ATP2A3: variants seen among roughly 807,000 people sequenced by gnomAD.
ATP2A3 encodes the protein ATPase sarcoplasmic/endoplasmic reticulum Ca2+ transporting 3.
ATP2A3 carries 61 observed loss-of-function variants against 106.8 expected under a neutral mutation model. That is an observed-to-expected ratio of 0.57 (90% CI 0.46 to 0.71). The LOEUF (loss-of-function observed/expected upper bound fraction) is 0.71. ATP2A3 is among the 30% of genes least tolerant of loss of function. The pLI is 0.00. For missense variants in ATP2A3, 1,201 were observed against 1,423.5 expected (o/e 0.84, Z 2.52); for synonymous variants, 611 against 609.3 (o/e 1.00, Z -0.04).
In ATP2A3 at chr17:3,926,058, C is replaced by T. The variant is rs2052690900; in HGVS notation, c.2981-617G>A. 6.6e-6 allele frequency among the ~76,000 whole-genome samples: 1 copy of T among 152,116 alleles called. No homozygotes were observed. The highest frequency in any genetic ancestry group is 6.5e-5 in the Admixed American group (1 of 15,270). On this transcript the variant is annotated intron_variant, in intron 20 of 20. Coordinates refer to ENST00000397041, the MANE Select transcript of ATP2A3 (RefSeq NM_005173.4). This position sits in a 1 kb window ranked among gnomAD's most constrained non-coding sequence, Gnocchi z 4.6. ...CACCACAGCCCAGCCCCCACGCCTCCCCTGACAACTGCTCAGCCACACCTG... is the reference window on the plus strand; with the variant it reads ...CACCACAGCCCAGCCCCCACGCCTCTCCTGACAACTGCTCAGCCACACCTG...
Position 3,952,302 on chromosome 17 carries a change from C to A in ATP2A3, c.220-617G>T, listed in dbSNP as rs557184667. ...GTTTTACCACGTTGCCCAGGCTGAACTCCTGAGCTCACCCGCCTCGGCCTG... is the reference window on the plus strand; with the variant it reads ...GTTTTACCACGTTGCCCAGGCTGAAATCCTGAGCTCACCCGCCTCGGCCTG... On this transcript the variant is annotated intron_variant, in intron 3 of 20. Coordinates refer to ENST00000397041, the MANE Select transcript of ATP2A3 (RefSeq NM_005173.4). 9.2e-5 allele frequency among the ~76,000 whole-genome samples: 14 copies of A among 152,144 alleles called. No individual in the cohort carries two copies. The East Asian group carries it at 2.5e-3, about 27-fold the overall frequency.
At chr17:3,959,446 C>G (rs1157684349) in intron 1 of ATP2A3, among the ~76,000 whole-genome samples, 1 of 152,174 alleles carries the variant, frequency 6.6e-6, no homozygotes, top group East Asian at 1.9e-4. Context: ...CTCAGTTGCT[C>G]CGTGGTGCAG....
intron 8 of ATP2A3, among the ~76,000 whole-genome samples, chr17:3,946,761 C>CT (rs1365168102): frequency 6.6e-6 from 1 of 152,110 alleles, no homozygotes; most frequent in Non-Finnish European, 1.5e-5. Context: ...GACAGAGAGG[C>CT]ACTGGGGACC....
chr17:3,951,196 AAAAT>A (rs1263402208), intron 5 of ATP2A3, 51 bp downstream of exon 5: 143 of 1,196,760 alleles, frequency 1.2e-4, no homozygotes, highest in African/African-American at 4.4e-4. Context: ...ATAAATAAAT[AAAAT>A]AAATAAATAA....
chr17:3,939,808 A>AAAAAT (rs1567693258), intron 14 of ATP2A3, among the ~76,000 whole-genome samples: 3 of 150,074 alleles, frequency 2.0e-5, no homozygotes, highest in African/African-American at 7.3e-5. Context: ...AAAAAAAAAA[A>AAAAAT]AAAAGCAATA....
chr17:3,964,171 C>T lies in ATP2A3; in HGVS notation c.118+3G>A. 1 of 1,170,244 alleles carries T rather than the reference C, an allele frequency of 8.5e-7. No individual in the cohort carries two copies. Among genetic ancestry groups the T allele is most frequent in the Non-Finnish European group, 1.1e-6 (1 of 946,344 alleles). The allele number at this position is 1,170,244 out of a possible 1,614,324, so 72.5% of individuals were successfully genotyped here. A position where few individuals can be genotyped will look rare whatever the true frequency, so the allele number is the denominator to read the frequency against. ...CCCGGCCCGGCCCGGCCCGCGCGCTCACCGTTGGGGCCGTAGCGCTCCCGC... is the reference window on the plus strand; with the variant it reads ...CCCGGCCCGGCCCGGCCCGCGCGCTTACCGTTGGGGCCGTAGCGCTCCCGC... On this transcript the variant is annotated splice_donor_region_variant and intron_variant, in intron 1 of 20. Coordinates refer to ENST00000397041, the MANE Select transcript of ATP2A3 (RefSeq NM_005173.4).
At chr17:3,950,832 C>A in intron 5 of ATP2A3, 59 bp from the exon 6 acceptor site, 1 of 1,542,966 alleles carries the variant, frequency 6.5e-7, no homozygotes, top group Non-Finnish European at 8.9e-7. Flanking sequence ...CTGGGAAAAG[C>A]CAGAAGGGTT....
chr17:3,951,546 G>GCCCCCCCCCCCCGGGCCCCCC, intron 4 of ATP2A3, 35 bp downstream of exon 4: 1 of 1,319,570 alleles, frequency 7.6e-7, no homozygotes, highest in Non-Finnish European at 1.0e-6. Flanking sequence ...CTGGGAGACC[G>GCCCCCCCCCCCCGGGCCCCCC]CCCCCCGCCC....
chr17:3,940,369 A>C lies in ATP2A3; in HGVS notation c.2100+602T>G, dbSNP rs1305425214. 7.2e-5 allele frequency among the ~76,000 whole-genome samples: 11 copies of C among 152,182 alleles called. No homozygotes were observed. The East Asian group carries it at 2.1e-3, about 29-fold the overall frequency. Reference sequence around the variant, plus strand: ...ATGCCGATGTCTGCAACTGACTTTGAAATACACCTAAGAAAAGATGGGCTA... The same window carrying C: ...ATGCCGATGTCTGCAACTGACTTTGCAATACACCTAAGAAAAGATGGGCTA... On this transcript the variant is annotated intron_variant, in intron 14 of 20. Transcript: ENST00000397041.
Position 3,928,309 on chromosome 17 carries a change from A to G in ATP2A3, c.2980+354T>C. The G allele has an allele frequency of 6.2e-7, 1 of 1,613,200 alleles. No individual in the cohort carries two copies. Among genetic ancestry groups the G allele is most frequent in the South Asian group, 1.1e-5 (1 of 91,076 alleles). On this transcript the variant is annotated intron_variant, in intron 20 of 20. Transcript: ENST00000397041. The surrounding 1 kb of genome is among the most constrained non-coding windows in gnomAD (Gnocchi z 6.1). ...CCAGGCCTGCGAGACTGTCCTGAGA[A>G]GGCCTGGATAAAGACAGGCTGGGTG...
At position 3,936,757 on chromosome 17, in the gene ATP2A3, C is replaced by T. The variant is rs1383010981; in HGVS notation, c.2322-288G>A. 2 of 475,762 alleles carry T rather than the reference C, an allele frequency of 4.2e-6. No individual in the cohort carries two copies. The highest frequency in any genetic ancestry group is 4.0e-5 in the African/African-American group (2 of 50,442). The allele number at this position is 475,762 out of a possible 1,614,324, so 29.5% of individuals were successfully genotyped here. A position where few individuals can be genotyped will look rare whatever the true frequency, so the allele number is the denominator to read the frequency against. ...ACACACACACACACACACACACACG[C>T]ACACGAAGAGGGCATGCCCAAGAAT... On this transcript the variant is annotated intron_variant, in intron 15 of 20. Coordinates refer to ENST00000397041, the MANE Select transcript of ATP2A3 (RefSeq NM_005173.4). The surrounding 1 kb of genome is among the most constrained non-coding windows in gnomAD (Gnocchi z 5.4).
chr17:3,924,666 C>T lies in ATP2A3; in HGVS notation c.*756G>A, dbSNP rs1597547815. ...TCTCCCGAGCTCAGGACGGGGAACC[C>T]TGAGTCCAGGAGGCGCGCGGGGCTG... On this transcript the variant is annotated 3_prime_UTR_variant, in exon 21 of 21. Transcript: ENST00000397041. This position sits in a 1 kb window ranked among gnomAD's most constrained non-coding sequence, Gnocchi z 6.4. The T allele has an allele frequency of 2.3e-6, 1 of 437,554 alleles. No homozygotes were observed. The highest frequency in any genetic ancestry group is 7.0e-5 in the East Asian group (1 of 14,256). 27.1% of individuals were successfully genotyped at this position (437,554 alleles called of 1,614,324 possible).
rs2053368993 is a variant in ATP2A3 at position 3,935,267 on chromosome 17, G to A, written c.2535C>T (p.Gly845=). The A allele has an allele frequency of 3.7e-6, 6 of 1,613,744 alleles. No homozygotes were observed. In the East Asian group the frequency reaches 1.3e-4, roughly 36 times the overall value. ...AGGTGGCGGCAGCCACTGTGGCCAG[G>A]CCTACGTACACTGCGGGGAAGGGAG... ...FRYLAIGVYV[G]LATVAAATWW... The change falls in exon 17 of 21, where the codon GGC becomes GGT. Residue 845 remains glycine (G), a synonymous_variant. Transcript: ENST00000397041.
intron 17 of ATP2A3, among the ~76,000 whole-genome samples, chr17:3,932,264 C>T (rs1240099086): frequency 2.6e-5 from 4 of 152,108 alleles, no homozygotes; most frequent in African/African-American, 9.7e-5. Context: ...CTGCCTCAGC[C>T]TCCTGAGTAG....
At chr17:3,951,556 C>T (rs752646313) in intron 4 of ATP2A3, 25 bp downstream of exon 4, 6 of 1,345,690 alleles carry the variant, frequency 4.5e-6, no homozygotes, top group South Asian at 2.5e-5. Flanking sequence ...GCCCCCCGCC[C>T]GGTCCCACCC....
intron 20 of ATP2A3, chr17:3,927,991 TC>T (rs1567674179): frequency 6.2e-7 from 1 of 1,613,968 alleles, no homozygotes; most frequent in East Asian, 2.2e-5. Context: ...CCCTGCTTCC[TC>T]CCTCTCTGAG....
chr17:3,944,794 A>C lies in ATP2A3; in HGVS notation c.1197T>G (p.Asp399Glu). Reference sequence around the variant, plus strand: ...CGAACTGGCCGCAGCGCACAGGCTGATCCCCCTGCCGCCTGCGGAGCCGGG... The same window carrying C: ...CGAACTGGCCGCAGCGCACAGGCTGCTCCCCCTGCCGCCTGCGGAGCCGGG... The part of the protein sequence containing the change: ...YTPEGEVRQG[D>E]QPVRCGQFDG... Residue 399 changes from aspartate to glutamate, a missense_variant, in exon 10 of 21, where the codon GAT (aspartate) becomes GAG (glutamate). Around this residue, in one of 2 missense-constraint regions of ATP2A3, gnomAD observed 935 missense variants for 1,176.7 expected, o/e 0.79. Transcript: ENST00000397041. 1 of 1,611,016 alleles carries C rather than the reference A, an allele frequency of 6.2e-7. No homozygotes were observed. Among genetic ancestry groups the C allele is most frequent in the Non-Finnish European group, 8.5e-7 (1 of 1,178,882 alleles).
intron 1 of ATP2A3, among the ~76,000 whole-genome samples, chr17:3,954,015 T>G (rs2054609359): frequency 6.6e-6 from 1 of 151,656 alleles, no homozygotes; most frequent in Non-Finnish European, 1.5e-5. Flanking sequence ...CCTGCCCCAC[T>G]TCACAGAAGG....
intron 3 of ATP2A3, among the ~76,000 whole-genome samples, chr17:3,952,829 C>A (rs536147115): frequency 6.6e-6 from 1 of 152,218 alleles, no homozygotes; most frequent in African/African-American, 2.4e-5. Context: ...TGGGCTCAAG[C>A]GATTTTATTG....
Sources: allele counts gnomAD v4.1 joint callset (sites outside exome capture counted in the v4.1 genomes callset), GRCh38; gene constraint gnomAD v4.1.1; regional missense constraint gnomAD v4.1.1; non-coding constraint Gnocchi (gnomAD v3.1); transcripts MANE v1.5; gene names NCBI Gene and HGNC (gene_info 2026-07-23, HGNC 2026-07-21).